LGSN: variants seen among roughly 807,000 people sequenced by gnomAD.
The protein encoded by LGSN is lengsin, lens protein with glutamine synthetase domain.
In LGSN, 21 loss-of-function variants were observed where a neutral mutation model predicts 19.5. The observed-to-expected ratio is 1.07, with a 90% CI of 0.76 to 1.55. The LOEUF is 1.55. Among genes scored for constraint, LGSN ranks in the 40% most tolerant of loss-of-function variants. The pLI, the probability that LGSN is intolerant of heterozygous loss-of-function variation, is 0.00. For synonymous variants in LGSN, 257 were observed against 215.6 expected (o/e 1.19, Z -1.68); for missense variants, 673 against 608.5 (o/e 1.11, Z -1.12).
At chr6:63,336,521 G>C in the LGSN span, among the ~76,000 whole-genome samples, 37 of 40,486 alleles carry the variant, frequency 9.1e-4, no homozygotes, top group South Asian at 1.6e-3. Flanking sequence ...TAGAATATCT[G>C]TGTGTGTGTG....
chr6:63,399,211 A>G, the LGSN span, among the ~76,000 whole-genome samples: 1 of 152,114 alleles, frequency 6.6e-6, no homozygotes, highest in Non-Finnish European at 1.5e-5. Flanking sequence ...TATTCAGTAC[A>G]GTAATGTGCT....
At chr6:63,569,199 C>T in the LGSN span, among the ~76,000 whole-genome samples, 96 of 152,272 alleles carry the variant, frequency 6.3e-4, no homozygotes, top group Non-Finnish European at 1.2e-3. Flanking sequence ...CAAGATTTGC[C>T]AATCTTCCTC....
the LGSN span, among the ~76,000 whole-genome samples, chr6:63,471,580 G>A: frequency 3.3e-5 from 5 of 151,364 alleles, no homozygotes; most frequent in African/African-American, 4.9e-5. Flanking sequence ...CAGGAGAATC[G>A]ATTGAACTGG....
At chr6:63,530,049 C>T in the LGSN span, among the ~76,000 whole-genome samples, 3 of 152,068 alleles carry the variant, frequency 2.0e-5, no homozygotes, top group African/African-American at 7.2e-5. Flanking sequence ...TGAAGATTAA[C>T]TGTTTCTCGA....
At chr6:63,368,102 GA>G in the LGSN span, among the ~76,000 whole-genome samples, 2 of 147,628 alleles carry the variant, frequency 1.4e-5, no homozygotes, top group African/African-American at 2.6e-5. Flanking sequence ...AAATAAAAAA[GA>G]AAAAAAGAAG....
the LGSN span, among the ~76,000 whole-genome samples, chr6:63,516,412 G>T: frequency 1.3e-5 from 2 of 152,186 alleles, no homozygotes; most frequent in Non-Finnish European, 2.9e-5. Context: ...CAGAAGAGAT[G>T]AATAAAGTCA....
the LGSN span, among the ~76,000 whole-genome samples, chr6:63,400,426 C>T: frequency 1.3e-5 from 2 of 152,194 alleles, no homozygotes; most frequent in African/African-American, 4.8e-5. Flanking sequence ...AAGTGCACCT[C>T]CAGGACATTT....
chr6:63,330,326 C>T, the LGSN span, among the ~76,000 whole-genome samples: 1 of 152,150 alleles, frequency 6.6e-6, no homozygotes, highest in Non-Finnish European at 1.5e-5. Context: ...AAGGCTGCAG[C>T]CTTTCTCTGA....
At chr6:63,356,786 T>TA in the LGSN span, among the ~76,000 whole-genome samples, 2 of 152,274 alleles carry the variant, frequency 1.3e-5, no homozygotes, top group South Asian at 4.1e-4. Flanking sequence ...TTCCAATCTT[T>TA]AAAGCATCTT....
the LGSN span, among the ~76,000 whole-genome samples, chr6:63,563,935 A>T: frequency 6.6e-6 from 1 of 152,238 alleles, no homozygotes; most frequent in Non-Finnish European, 1.5e-5. Context: ...ATAGTGGTTG[A>T]GTATTTACTA....
chr6:63,410,011 TG>T, the LGSN span, among the ~76,000 whole-genome samples: 1 of 152,130 alleles, frequency 6.6e-6, no homozygotes, highest in African/African-American at 2.4e-5. Context: ...CACTTCAGCC[TG>T]GGCAAAAGAG....
rs544958611 is a variant in LGSN, at chr6:63,281,501, G to A, written c.331-281C>T. On this transcript the variant is annotated intron_variant, in intron 3 of 3. Transcript: ENST00000370657. ...AGATCTGAAAATAGCAGTTATAAAT[G>A]AAAGGTATAATGATAAAGAAAATCC... Among the ~76,000 whole-genome samples, 35 of 151,672 alleles carry A rather than the reference G, an allele frequency of 2.3e-4. 2 individuals carry two copies. In the South Asian group the frequency reaches 7.3e-3, roughly 32 times the overall value.
At chr6:63,472,104 T>C in the LGSN span, among the ~76,000 whole-genome samples, 1 of 152,228 alleles carries the variant, frequency 6.6e-6, no homozygotes, top group Non-Finnish European at 1.5e-5. Flanking sequence ...GTAATTTGTA[T>C]CTTTAAATTC....
the LGSN span, among the ~76,000 whole-genome samples, chr6:63,502,132 G>T: frequency 6.6e-6 from 1 of 152,094 alleles, no homozygotes; most frequent in Non-Finnish European, 1.5e-5. Flanking sequence ...GTACAGTTTG[G>T]GTTGCAAATT....
At chr6:63,363,781 G>A in the LGSN span, among the ~76,000 whole-genome samples, 33 of 152,192 alleles carry the variant, frequency 2.2e-4, no homozygotes, top group African/African-American at 7.7e-4. Flanking sequence ...ACTCTTCAGG[G>A]TATTATCCAG....
the LGSN span, among the ~76,000 whole-genome samples, chr6:63,550,856 C>G: frequency 2.0e-5 from 3 of 152,118 alleles, 1 homozygote; most frequent in African/African-American, 7.2e-5. Context: ...AAACTACTGA[C>G]CTCAGGTGAT....
intron 2 of LGSN, among the ~76,000 whole-genome samples, chr6:63,291,708 C>T (rs1767777508): frequency 6.6e-6 from 1 of 152,160 alleles, no homozygotes; most frequent in African/African-American, 2.4e-5. Flanking sequence ...AGGGTGGGGC[C>T]TTTGCCAGGG....
chr6:63,364,243 G>T, the LGSN span, among the ~76,000 whole-genome samples: 2 of 149,708 alleles, frequency 1.3e-5, no homozygotes, highest in African/African-American at 5.1e-5. Flanking sequence ...GATCTACCAA[G>T]CAAACGGAAA....
At chr6:63,330,350 T>G in the LGSN span, among the ~76,000 whole-genome samples, 1 of 152,112 alleles carries the variant, frequency 6.6e-6, no homozygotes, top group Non-Finnish European at 1.5e-5. Flanking sequence ...CATTTTTCCT[T>G]TTGGGCCTGT....
Sources: allele counts gnomAD v4.1 joint callset (sites outside exome capture counted in the v4.1 genomes callset), GRCh38; gene constraint gnomAD v4.1.1; transcripts MANE v1.5; gene names NCBI Gene and HGNC (gene_info 2026-07-23, HGNC 2026-07-21).